Variants in SPAG16 observed in about 807,000 individuals in gnomAD.
SPAG16 encodes sperm associated antigen 16.
A neutral mutation model predicts 80.4 loss-of-function variants in SPAG16; 86 were observed. The observed-to-expected ratio is 1.07, with a 90% CI of 0.90 to 1.28. The LOEUF (loss-of-function observed/expected upper bound fraction) is 1.28. SPAG16 is among the 50% of genes most tolerant of loss of function. SPAG16 has a pLI of 0.00. For synonymous variants in SPAG16, 294 were observed against 265.9 expected (o/e 1.11, Z -1.03); for missense variants, 870 against 765.3 (o/e 1.14, Z -1.61).
At chr2:213,754,256 T>C (rs1283642829) in intron 10 of SPAG16, among the ~76,000 whole-genome samples, 1 of 152,206 alleles carries the variant, frequency 6.6e-6, no homozygotes, top group African/African-American at 2.4e-5. Flanking sequence ...TTATTTCACT[T>C]GCTTACTACC....
At chr2:213,617,794 CA>C (rs1461258556) in intron 10 of SPAG16, among the ~76,000 whole-genome samples, 1 of 152,056 alleles carries the variant, frequency 6.6e-6, no homozygotes, top group African/African-American at 2.4e-5. Context: ...GGCAGGATGA[CA>C]GTGCAAGATA....
chr2:213,528,866 T>C (rs1202710944), intron 10 of SPAG16, among the ~76,000 whole-genome samples: 2 of 152,194 alleles, frequency 1.3e-5, no homozygotes, highest in Admixed American at 6.6e-5. Flanking sequence ...CTGGGCTGTA[T>C]GTTGCCTGCA....
At chr2:213,377,198 A>T (rs2125217313) in intron 9 of SPAG16, among the ~76,000 whole-genome samples, 1 of 152,332 alleles carries the variant, frequency 6.6e-6, no homozygotes, top group East Asian at 1.9e-4. Context: ...TTAATGTCTT[A>T]GAGGATAGCA....
intron 15 of SPAG16, among the ~76,000 whole-genome samples, chr2:214,338,217 A>G (rs999092680): frequency 6.6e-6 from 1 of 152,192 alleles, no homozygotes; most frequent in Non-Finnish European, 1.5e-5. Flanking sequence ...TGTAACTTTT[A>G]AGAAAAAAAT....
intron 12 of SPAG16, among the ~76,000 whole-genome samples, chr2:213,978,527 A>G (rs1160497786): frequency 6.6e-6 from 1 of 152,084 alleles, no homozygotes; most frequent in Non-Finnish European, 1.5e-5. Context: ...CATATTAGGT[A>G]TTTATTGTGG....
intron 15 of SPAG16, among the ~76,000 whole-genome samples, chr2:214,242,508 T>C (rs1689565255): frequency 6.6e-6 from 1 of 152,180 alleles, no homozygotes; most frequent in Non-Finnish European, 1.5e-5. Flanking sequence ...TGCATTTTTT[T>C]CCAGTCTTTA....
intron 10 of SPAG16, among the ~76,000 whole-genome samples, chr2:213,748,147 A>G (rs2556305): frequency 0.93 from 140,853 of 152,220 alleles, 66,204 homozygotes; most frequent in East Asian, 1. Context: ...GGTTACAAAA[A>G]ATAGACATAG....
At chr2:213,630,199 C>T (rs765886549) in intron 10 of SPAG16, among the ~76,000 whole-genome samples, 2 of 152,116 alleles carry the variant, frequency 1.3e-5, no homozygotes, top group Non-Finnish European at 2.9e-5. Context: ...GCCTAGCGAA[C>T]ATGGTGAAAC....
intron 15 of SPAG16, among the ~76,000 whole-genome samples, chr2:214,165,791 G>A (rs568410766): frequency 1.3e-5 from 2 of 151,980 alleles, no homozygotes; most frequent in African/African-American, 2.4e-5. Flanking sequence ...TTAGCATACT[G>A]CTCCACTATT....
intron 14 of SPAG16, among the ~76,000 whole-genome samples, chr2:214,139,156 T>G (rs28541574): frequency 0.79 from 119,442 of 151,988 alleles, 47,657 homozygotes; most frequent in Admixed American, 0.86. Context: ...TTCTTGTATT[T>G]CTTTTTGTTA....
intron 9 of SPAG16, among the ~76,000 whole-genome samples, chr2:213,407,573 C>T (rs1355669709): frequency 3.3e-5 from 5 of 150,226 alleles, no homozygotes; most frequent in African/African-American, 1.2e-4. Context: ...CCGCAGGTCC[C>T]TACCCTAGGA....
intron 9 of SPAG16, among the ~76,000 whole-genome samples, chr2:213,415,600 A>G (rs1478066670): frequency 6.6e-6 from 1 of 152,154 alleles, no homozygotes; most frequent in Non-Finnish European, 1.5e-5. Context: ...ATGGTTGATT[A>G]CGTTTGTAGT....
intron 15 of SPAG16, among the ~76,000 whole-genome samples, chr2:214,308,316 A>G (rs543867083): frequency 6.6e-6 from 1 of 152,300 alleles, no homozygotes; most frequent in Admixed American, 6.5e-5. Context: ...AAGACAGAAT[A>G]CCATTGGGTC....
intron 15 of SPAG16, among the ~76,000 whole-genome samples, chr2:214,304,278 T>C (rs1694765257): frequency 6.6e-6 from 1 of 152,226 alleles, no homozygotes. Flanking sequence ...TCTGCAGCAC[T>C]GTGACATGTT....
chr2:213,964,267 G>A (rs1327917774), intron 12 of SPAG16, among the ~76,000 whole-genome samples: 2 of 151,928 alleles, frequency 1.3e-5, no homozygotes, highest in Non-Finnish European at 2.9e-5. Flanking sequence ...AGAGATGAAA[G>A]GACAATAAAT....
chr2:214,258,113 T>C (rs1690828235), intron 15 of SPAG16, among the ~76,000 whole-genome samples: 1 of 152,044 alleles, frequency 6.6e-6, no homozygotes. Flanking sequence ...TTCATTTCAG[T>C]AGGTTTGGGA....
chr2:214,211,852 TC>T (rs2058302895), intron 15 of SPAG16, among the ~76,000 whole-genome samples: 1 of 152,144 alleles, frequency 6.6e-6, no homozygotes, highest in South Asian at 2.1e-4. Flanking sequence ...AAATCATCTT[TC>T]CTTATACCCT....
intron 11 of SPAG16, among the ~76,000 whole-genome samples, chr2:213,907,193 AG>A (rs2077466830): frequency 1.3e-5 from 2 of 152,174 alleles, no homozygotes; most frequent in African/African-American, 2.4e-5. Context: ...AAAACCTACA[AG>A]CAATCCCATT....
chr2:213,300,664 A>C (rs1220171069), intron 3 of SPAG16, among the ~76,000 whole-genome samples: 1 of 152,184 alleles, frequency 6.6e-6, no homozygotes, highest in East Asian at 1.9e-4. Context: ...AAATGTAGTT[A>C]GTTTTTATTA....
Sources: allele counts gnomAD v4.1 joint callset (sites outside exome capture counted in the v4.1 genomes callset), GRCh38; gene constraint gnomAD v4.1.1; transcripts MANE v1.5; gene names NCBI Gene and HGNC (gene_info 2026-07-23, HGNC 2026-07-21).